The following EYS variants were observed in gnomAD, a reference collection of about 807,000 sequenced individuals.
EYS encodes protein eyes shut homolog.
In EYS, 250 loss-of-function variants were observed where a neutral mutation model predicts 282.1. The ratio of observed to expected loss-of-function variants is 0.89; its 90% CI spans 0.80 to 0.98. EYS has a LOEUF of 0.98. Among genes scored for constraint, EYS ranks in the 50% least tolerant of loss-of-function variants. The pLI is 0.00. For missense variants in EYS, 4,016 were observed against 3,709.0 expected (o/e 1.08, Z -2.15); for synonymous variants, 1,355 against 1,282.9 (o/e 1.06, Z -1.20).
chr6:64,709,366 G>C (rs956667873), intron 22 of EYS, among the ~76,000 whole-genome samples: 2 of 151,990 alleles, frequency 1.3e-5, no homozygotes, highest in Non-Finnish European at 2.9e-5. Context: ...ACATTTGATG[G>C]AGTTCATTTC....
rs1160794884 is a variant in EYS at position 64,033,840 on chromosome 6, C to A, written c.6725+32498G>T. ...ACAAATGAGATTACTCTCTCTCTCTCTCTCTCTATATATATATATATAAAA... is the reference window on the plus strand; with the variant it reads ...ACAAATGAGATTACTCTCTCTCTCTATCTCTCTATATATATATATATAAAA... On this transcript the variant is annotated intron_variant, in intron 33 of 42. Coordinates refer to ENST00000503581, the MANE Select transcript of EYS (RefSeq NM_001142800.2). Among the ~76,000 whole-genome samples, 1,326 of 148,512 alleles carry A rather than the reference C, an allele frequency of 8.9e-3. 16 individuals are homozygous for A. The highest frequency in any genetic ancestry group is 0.031 in the East Asian group (158 of 5,132).
intron 13 of EYS, among the ~76,000 whole-genome samples, chr6:65,013,013 T>C (rs1221376465): frequency 6.6e-6 from 1 of 152,156 alleles, no homozygotes; most frequent in Non-Finnish European, 1.5e-5. Context: ...CTGGATACTA[T>C]TTTATCATAA....
At chr6:64,186,166 T>A (rs758430412) in intron 31 of EYS, among the ~76,000 whole-genome samples, 12 of 151,996 alleles carry the variant, frequency 7.9e-5, no homozygotes, top group Non-Finnish European at 1.8e-4. Flanking sequence ...TGAATGTGCA[T>A]CTAAGGTTTC....
At chr6:65,500,237 A>C in intron 2 of EYS, among the ~76,000 whole-genome samples, 1 of 152,038 alleles carries the variant, frequency 6.6e-6, no homozygotes, top group East Asian at 1.9e-4. Context: ...ATGATTGCCA[A>C]TAAGGCATAG....
In EYS at chr6:65,377,024, C is replaced by T. The variant is rs888996047; in HGVS notation, c.1299+7362G>A. 2.0e-5 allele frequency among the ~76,000 whole-genome samples: 3 copies of T among 152,204 alleles called. No individual in the cohort carries two copies. The East Asian group carries it at 5.8e-4, about 29-fold the overall frequency. On this transcript the variant is annotated intron_variant, in intron 8 of 42. Transcript: ENST00000503581. ...GAACTCACCTCTGGACCAAGCAGCC[C>T]TAGTAGATATCTACAGAACTGTCCA...
intron 21 of EYS, among the ~76,000 whole-genome samples, chr6:64,817,873 T>C (rs1259438019): frequency 1.3e-5 from 2 of 152,182 alleles, no homozygotes; most frequent in Non-Finnish European, 2.9e-5. Flanking sequence ...GTTGATTCCA[T>C]GTCTTTGCTA....
intron 41 of EYS, among the ~76,000 whole-genome samples, chr6:63,736,822 C>A (rs1353552703): frequency 1.3e-5 from 2 of 151,614 alleles, no homozygotes; most frequent in African/African-American, 2.4e-5. Context: ...AAGTTGGATT[C>A]CTAGGTATTT....
chr6:65,303,841 T>TA (rs1269796692), intron 11 of EYS: 8 of 598,708 alleles, frequency 1.3e-5, no homozygotes, highest in African/African-American at 8.9e-5. Flanking sequence ...ATAGTGAAAT[T>TA]AAAAAAACAG....
At chr6:63,941,368 T>A (rs1765234130) in intron 35 of EYS, among the ~76,000 whole-genome samples, 1 of 152,206 alleles carries the variant, frequency 6.6e-6, no homozygotes, top group Admixed American at 6.5e-5. Context: ...TTTTTAATGA[T>A]CAGCATTCTA....
At chr6:63,773,013 TCA>T (rs1769975017) in intron 40 of EYS, among the ~76,000 whole-genome samples, 1 of 152,172 alleles carries the variant, frequency 6.6e-6, no homozygotes, top group Admixed American at 6.5e-5. Context: ...GTCCTGAGGA[TCA>T]CTCCATAGCA....
At chr6:65,210,039 T>G (rs1196761306) in intron 12 of EYS, among the ~76,000 whole-genome samples, 7 of 151,876 alleles carry the variant, frequency 4.6e-5, no homozygotes, top group African/African-American at 1.7e-4. Context: ...GAGACTGTAG[T>G]TGAGAGTTGA....
chr6:64,448,048 C>A (rs1447736135), intron 26 of EYS, among the ~76,000 whole-genome samples: 3 of 152,242 alleles, frequency 2.0e-5, no homozygotes, highest in African/African-American at 7.2e-5. Context: ...TGAGCCTAAG[C>A]AGGGCGAGGC....
intron 29 of EYS, among the ~76,000 whole-genome samples, chr6:64,357,844 C>G (rs1771877437): frequency 6.6e-6 from 1 of 151,504 alleles, no homozygotes; most frequent in African/African-American, 2.4e-5. Flanking sequence ...AGATTTTGCC[C>G]AAGAGCAGTG....
intron 36 of EYS, among the ~76,000 whole-genome samples, chr6:63,838,438 C>G (rs1771865400): frequency 6.6e-6 from 1 of 152,150 alleles, no homozygotes; most frequent in Non-Finnish European, 1.5e-5. Context: ...CCCCTTTGAT[C>G]TGGGCTTCCC....
chr6:65,240,813 G>T (rs1210576769), intron 12 of EYS, among the ~76,000 whole-genome samples: 1 of 152,096 alleles, frequency 6.6e-6, no homozygotes, highest in Non-Finnish European at 1.5e-5. Context: ...AATGGGTTTG[G>T]TGGTTTGAAT....
At chr6:64,441,401 T>C (rs1774941832) in intron 26 of EYS, among the ~76,000 whole-genome samples, 1 of 152,178 alleles carries the variant, frequency 6.6e-6, no homozygotes, top group Admixed American at 6.6e-5. Context: ...TCAATTGCAA[T>C]TTTAAACAAA....
chr6:64,044,955 A>G (rs1770551904), intron 33 of EYS, among the ~76,000 whole-genome samples: 1 of 152,230 alleles, frequency 6.6e-6, no homozygotes. Context: ...CTTGGGAATT[A>G]GCTGTATGTA....
chr6:65,095,103 C>G (rs1774700871), intron 12 of EYS, among the ~76,000 whole-genome samples: 2 of 151,128 alleles, frequency 1.3e-5, no homozygotes, highest in African/African-American at 4.8e-5. Flanking sequence ...TGTATAAATT[C>G]CTAGAAACAT....
intron 16 of EYS, among the ~76,000 whole-genome samples, chr6:64,904,446 A>G (rs1767763471): frequency 6.6e-6 from 1 of 152,212 alleles, no homozygotes; most frequent in South Asian, 2.1e-4. Context: ...TCATTCTTCA[A>G]TCGCCATTGC....
Sources: gnomAD v4.1 joint callset for allele counts (sites outside exome capture counted in the v4.1 genomes callset) on GRCh38, gnomAD v4.1.1 for gene constraint, MANE v1.5 for transcripts, NCBI Gene and HGNC (gene_info 2026-07-23, HGNC 2026-07-21) for gene names.